CRPPA: variants seen among roughly 807,000 people sequenced by gnomAD.
The protein encoded by CRPPA is D-ribitol-5-phosphate cytidylyltransferase.
In CRPPA, 43 loss-of-function variants were observed where a neutral mutation model predicts 52.0. That is an observed-to-expected ratio of 0.83 (90% CI 0.65 to 1.07). CRPPA has a LOEUF of 1.07. Among genes scored for constraint, CRPPA ranks in the 50% least tolerant of loss-of-function variants. The pLI, the probability that CRPPA is intolerant of heterozygous loss-of-function variation, is 0.00. For synonymous variants in CRPPA, 250 were observed against 203.5 expected (o/e 1.23, Z -1.94); for missense variants, 629 against 551.7 (o/e 1.14, Z -1.40).
At chr7:16,274,070 G>C (rs1686070674) in intron 6 of CRPPA, among the ~76,000 whole-genome samples, 1 of 152,122 alleles carries the variant, frequency 6.6e-6, no homozygotes, top group South Asian at 2.1e-4. Context: ...TTGTTTTTGA[G>C]ACGGAGTCTC....
intron 9 of CRPPA, among the ~76,000 whole-genome samples, chr7:16,191,615 A>G (rs1040148021): frequency 4.6e-5 from 7 of 152,132 alleles, no homozygotes; most frequent in African/African-American, 1.7e-4. Flanking sequence ...AAAAGAATGA[A>G]CTAGTGAATA....
chr7:16,271,863 T>G (rs1367815632), intron 6 of CRPPA, among the ~76,000 whole-genome samples: 1 of 152,220 alleles, frequency 6.6e-6, no homozygotes, highest in Admixed American at 6.5e-5. Context: ...AAATCATACT[T>G]GCTCAGTTCA....
At position 16,341,586 on chromosome 7, in the gene CRPPA, T is replaced by C. The variant is rs996397684; in HGVS notation, c.685-32959A>G. 3.9e-5 allele frequency among the ~76,000 whole-genome samples: 6 copies of C among 152,218 alleles called. 1 individual carries two copies. The highest frequency in any genetic ancestry group is 3.9e-4 in the Admixed American group (6 of 15,280). ...CCTATTTTTTCAGTGTGTTACCAAC[T>C]GCAATCCACAGAAAGTACTGTTTAT... is the stretch of plus-strand genomic sequence containing the variant. On this transcript the variant is annotated intron_variant, in intron 3 of 9. Transcript: ENST00000407010.
intron 3 of CRPPA, among the ~76,000 whole-genome samples, chr7:16,313,850 T>C (rs1037364819): frequency 4.6e-5 from 7 of 152,080 alleles, no homozygotes; most frequent in Admixed American, 3.9e-4. Context: ...TTTAATTTCA[T>C]TGAAGTCTGA....
chr7:16,298,487 T>A (rs1423252523), intron 5 of CRPPA, among the ~76,000 whole-genome samples: 2 of 152,154 alleles, frequency 1.3e-5, no homozygotes, highest in Non-Finnish European at 2.9e-5. Flanking sequence ...AACATCAAGT[T>A]CTTGAAGAAA....
intron 8 of CRPPA, among the ~76,000 whole-genome samples, chr7:16,219,469 A>G (rs1279976028): frequency 9.5e-6 from 1 of 104,760 alleles, no homozygotes; most frequent in Non-Finnish European, 2.0e-5. Flanking sequence ...AAATAGAGAC[A>G]CAAAAAACCC....
chr7:16,141,027 G>C (rs1353912813), intron 9 of CRPPA, among the ~76,000 whole-genome samples: 1 of 152,110 alleles, frequency 6.6e-6, no homozygotes, highest in Admixed American at 6.5e-5. Context: ...TTCCCCACTT[G>C]TCTAAGATCT....
intron 9 of CRPPA, among the ~76,000 whole-genome samples, chr7:16,147,351 C>G (rs923818019): frequency 6.6e-6 from 1 of 152,180 alleles, no homozygotes; most frequent in African/African-American, 2.4e-5. Context: ...TTACCTCTAT[C>G]CCTTCTATAC....
intron 9 of CRPPA, among the ~76,000 whole-genome samples, chr7:16,205,588 G>A (rs1781957228): frequency 6.6e-6 from 1 of 152,098 alleles, no homozygotes; most frequent in African/African-American, 2.4e-5. Context: ...TAATCAGCAT[G>A]CTTTAGAAAC....
chr7:16,254,801 G>GAAAGAAAGAAAA (rs1783578233), intron 8 of CRPPA, among the ~76,000 whole-genome samples: 1 of 93,634 alleles, frequency 1.1e-5, no homozygotes, highest in African/African-American at 3.4e-5. Flanking sequence ...AGGAAAGAAA[G>GAAAGAAAGAAAA]AAAGAAAGAA....
At chr7:16,107,137 G>C (rs576461212) in intron 9 of CRPPA, among the ~76,000 whole-genome samples, 1 of 151,710 alleles carries the variant, frequency 6.6e-6, no homozygotes, top group Non-Finnish European at 1.5e-5. Context: ...GCAAAGGACC[G>C]AACATTCACA....
At chr7:16,248,728 C>A (rs1473773548) in intron 8 of CRPPA, among the ~76,000 whole-genome samples, 1 of 152,142 alleles carries the variant, frequency 6.6e-6, no homozygotes, top group Non-Finnish European at 1.5e-5. Flanking sequence ...GTGGGTGCAG[C>A]CCACAGAGGG....
At chr7:16,277,988 A>C in intron 6 of CRPPA, 141 bp downstream of exon 6, 1 of 634,886 alleles carries the variant, frequency 1.6e-6, no homozygotes, top group Non-Finnish European at 2.8e-6. Flanking sequence ...GTGCTGGCAG[A>C]CCAAAGGATC....
At chr7:16,191,722 T>C (rs1488677360) in intron 9 of CRPPA, among the ~76,000 whole-genome samples, 2 of 152,126 alleles carry the variant, frequency 1.3e-5, no homozygotes, top group Non-Finnish European at 2.9e-5. Flanking sequence ...CATGGCTATT[T>C]CCCTCAGCTC....
At chr7:16,269,020 C>T (rs1784025725) in intron 6 of CRPPA, 1 of 152,164 alleles carries the variant, frequency 6.6e-6, no homozygotes, top group Non-Finnish European at 1.5e-5. Context: ...TTAAACTCTT[C>T]TCAACTGTTC....
intron 3 of CRPPA, among the ~76,000 whole-genome samples, chr7:16,372,135 A>C (rs886582970): frequency 1.3e-5 from 2 of 152,240 alleles, no homozygotes; most frequent in Admixed American, 6.5e-5. Context: ...TGAGGAAATA[A>C]TTGAGGAAAA....
intron 5 of CRPPA, among the ~76,000 whole-genome samples, chr7:16,280,463 C>A (rs946553093): frequency 4.6e-5 from 7 of 152,120 alleles, no homozygotes; most frequent in Admixed American, 2.0e-4. Flanking sequence ...TTAGGACAAT[C>A]AAGAAATTTA....
intron 1 of CRPPA, among the ~76,000 whole-genome samples, chr7:16,415,623 G>A (rs967270464): frequency 3.3e-5 from 5 of 152,146 alleles, no homozygotes; most frequent in Non-Finnish European, 5.9e-5. Context: ...TTCCTGAGAA[G>A]TAAGTTCTAC....
chr7:16,355,280 A>G (rs574723605), intron 3 of CRPPA, among the ~76,000 whole-genome samples: 22 of 152,320 alleles, frequency 1.4e-4, no homozygotes, highest in African/African-American at 5.1e-4. Flanking sequence ...TCAATGAACT[A>G]GTTTCCCTTT....
Sources: allele counts gnomAD v4.1 joint callset (sites outside exome capture counted in the v4.1 genomes callset), GRCh38; gene constraint gnomAD v4.1.1; transcripts MANE v1.5; gene names NCBI Gene and HGNC (gene_info 2026-07-23, HGNC 2026-07-21).